The following ADAMTS3 variants were observed in gnomAD, a reference collection of about 807,000 sequenced individuals.
The protein encoded by ADAMTS3 is ADAM metallopeptidase with thrombospondin type 1 motif 3.
In ADAMTS3, 73 loss-of-function variants were observed where a neutral mutation model predicts 129.0. That is an observed-to-expected ratio of 0.57 (90% CI 0.47 to 0.69). The LOEUF is 0.69. Ranked by LOEUF, ADAMTS3 falls within the 30% of genes least tolerant of loss-of-function variation. The pLI, the probability that ADAMTS3 is intolerant of heterozygous loss-of-function variation, is 0.00. For missense variants in ADAMTS3, 1,457 were observed against 1,514.5 expected (o/e 0.96, Z 0.63); for synonymous variants, 477 against 510.8 (o/e 0.93, Z 0.89).
chr4:72,437,662 T>C (rs1717985618), intron 3 of ADAMTS3, among the ~76,000 whole-genome samples: 1 of 151,728 alleles, frequency 6.6e-6, no homozygotes, highest in South Asian at 2.1e-4. Flanking sequence ...TGGTGCACTA[T>C]GAACCAATCT....
chr4:72,281,403 C>T lies in ADAMTS3; in HGVS notation c.*1733G>A, dbSNP rs1718338119. On this transcript the variant is annotated 3_prime_UTR_variant, in exon 22 of 22. Coordinates refer to ENST00000286657, the MANE Select transcript of ADAMTS3 (RefSeq NM_014243.3). ...GTGCTTTGAGAGGTTAATTCATCTA[C>T]ATTTTAGTTTGTATAATATATTTTT... is the stretch of plus-strand genomic sequence containing the variant. The T allele has an allele frequency of 6.6e-6, 1 of 152,618 alleles. No individual in the cohort carries two copies. The highest frequency in any genetic ancestry group is 6.5e-5 in the Admixed American group (1 of 15,272). 9.5% of individuals were successfully genotyped at this position (152,618 alleles called of 1,614,324 possible). A position where few individuals can be genotyped will look rare whatever the true frequency, so the allele number is the denominator to read the frequency against.
chr4:72,364,354 C>T (rs1409273657), intron 4 of ADAMTS3, among the ~76,000 whole-genome samples: 1 of 152,094 alleles, frequency 6.6e-6, no homozygotes, highest in East Asian at 1.9e-4. Flanking sequence ...GTGGCTCACG[C>T]CTGTAATTCC....
At chr4:72,442,912 G>A (rs981085670) in intron 3 of ADAMTS3, among the ~76,000 whole-genome samples, 7 of 151,634 alleles carry the variant, frequency 4.6e-5, no homozygotes, top group Admixed American at 1.3e-4. Context: ...ACTCACCCCC[G>A]AAAATTCTTT....
chr4:72,282,295 G>A lies in ADAMTS3; in HGVS notation c.*841C>T, dbSNP rs1455378397. On this transcript the variant is annotated 3_prime_UTR_variant, in exon 22 of 22. Coordinates refer to ENST00000286657, the MANE Select transcript of ADAMTS3 (RefSeq NM_014243.3). ...AGAGGGTTTCAGTTTTGTCTTGCAC[G>A]AGTTCATTATTTACTATTCGTTGAT... 6.6e-6 allele frequency: 1 copy of A among 151,762 alleles called. No individual in the cohort carries two copies. The highest frequency in any genetic ancestry group is 1.5e-5 in the Non-Finnish European group (1 of 68,038). The allele number at this position is 151,762 out of a possible 1,614,324, so 9.4% of individuals were successfully genotyped here. A position where few individuals can be genotyped will look rare whatever the true frequency, so the allele number is the denominator to read the frequency against.
chr4:72,289,931 C>T (rs1177243283), intron 20 of ADAMTS3, among the ~76,000 whole-genome samples: 2 of 152,178 alleles, frequency 1.3e-5, no homozygotes, highest in African/African-American at 4.8e-5. Context: ...GTTAAAGCAG[C>T]AAGAAATAGA....
chr4:72,364,033 C>T (rs191163329), intron 4 of ADAMTS3, among the ~76,000 whole-genome samples: 5 of 152,054 alleles, frequency 3.3e-5, no homozygotes, highest in African/African-American at 1.2e-4. Flanking sequence ...TAAAAAAACA[C>T]ATTATTTTGC....
chr4:72,491,993 T>G (rs913972540), intron 3 of ADAMTS3, among the ~76,000 whole-genome samples: 1 of 151,740 alleles, frequency 6.6e-6, no homozygotes, highest in African/African-American at 2.4e-5. Flanking sequence ...TTTTGGTAGT[T>G]TGAAAGTTTC....
rs559662974 is a variant in ADAMTS3 at position 72,369,025 on chromosome 4, A to G, written c.662-29332T>C. ...CATGCAATTAAAATTTATTGAGTAT[A>G]TTCTGTGTTCTCACAAATGGATAGA... On this transcript the variant is annotated intron_variant, in intron 4 of 21. Coordinates refer to ENST00000286657, the MANE Select transcript of ADAMTS3 (RefSeq NM_014243.3). Among the ~76,000 whole-genome samples the G allele has an allele frequency of 4.6e-5, 7 of 152,330 alleles. No individual in the cohort carries two copies. In the East Asian group the frequency reaches 9.6e-4, roughly 21 times the overall value.
Position 72,553,157 on chromosome 4 carries a change from C to T in ADAMTS3, c.98-4273G>A, listed in dbSNP as rs181296478. ...CATTTTATCACCAAGCCATTAATGA[C>T]GGCAAACTGTACAAGTCATCTACCT... On this transcript the variant is annotated intron_variant, in intron 2 of 21. Coordinates refer to ENST00000286657, the MANE Select transcript of ADAMTS3 (RefSeq NM_014243.3). Among the ~76,000 whole-genome samples the T allele has an allele frequency of 9.7e-4, 146 of 150,388 alleles. 1 individual carries two copies. The highest frequency in any genetic ancestry group is 2.4e-4 in the Non-Finnish European group (16 of 67,588).
At chr4:72,545,166 G>C (rs1243197651) in intron 3 of ADAMTS3, among the ~76,000 whole-genome samples, 1 of 152,006 alleles carries the variant, frequency 6.6e-6, no homozygotes, top group East Asian at 1.9e-4. Flanking sequence ...AGTCACAAAA[G>C]AGAAATACAG....
intron 3 of ADAMTS3, among the ~76,000 whole-genome samples, chr4:72,493,265 T>C (rs539036857): frequency 5.9e-5 from 9 of 151,992 alleles, no homozygotes; most frequent in Non-Finnish European, 1.2e-4. Flanking sequence ...ACTTTGTTAG[T>C]TGTTTTCTGT....
chr4:72,370,665 G>A (rs924109729), intron 4 of ADAMTS3, among the ~76,000 whole-genome samples: 2 of 152,224 alleles, frequency 1.3e-5, no homozygotes, highest in Non-Finnish European at 2.9e-5. Flanking sequence ...CAGAAGAATT[G>A]CTTGAACCCA....
intron 3 of ADAMTS3, among the ~76,000 whole-genome samples, chr4:72,547,576 C>T (rs1403286264): frequency 2.6e-5 from 4 of 152,054 alleles, no homozygotes; most frequent in African/African-American, 7.2e-5. Flanking sequence ...CCAGAATGGG[C>T]GAAATCAGCT....
intron 2 of ADAMTS3, among the ~76,000 whole-genome samples, chr4:72,563,995 G>C (rs1721966021): frequency 6.6e-6 from 1 of 152,116 alleles, no homozygotes; most frequent in Admixed American, 6.6e-5. Context: ...CCTGAAAATG[G>C]TGAAAAATTA....
intron 4 of ADAMTS3, among the ~76,000 whole-genome samples, chr4:72,340,465 T>C (rs771143539): frequency 1.3e-5 from 2 of 152,006 alleles, no homozygotes; most frequent in Admixed American, 6.6e-5. Context: ...GCTCCACATT[T>C]GCACTGGCCA....
At chr4:72,343,811 A>G (rs961634949) in intron 4 of ADAMTS3, among the ~76,000 whole-genome samples, 20 of 152,202 alleles carry the variant, frequency 1.3e-4, no homozygotes, top group South Asian at 4.1e-4. Context: ...CTCATGCATC[A>G]TTCCAAAAAG....
chr4:72,396,095 G>A (rs1330694386), intron 4 of ADAMTS3, among the ~76,000 whole-genome samples: 1 of 152,146 alleles, frequency 6.6e-6, no homozygotes, highest in Non-Finnish European at 1.5e-5. Flanking sequence ...GAAGTTAACT[G>A]GGTGGATGTT....
intron 5 of ADAMTS3, 132 bp from the exon 6 acceptor site, chr4:72,323,229 C>A: frequency 1.4e-6 from 1 of 694,900 alleles, no homozygotes; most frequent in South Asian, 1.7e-5. Flanking sequence ...AATAGCTGAA[C>A]TCTGAAAGGT....
chr4:72,516,011 G>T (rs944802681), intron 3 of ADAMTS3, among the ~76,000 whole-genome samples: 3 of 152,120 alleles, frequency 2.0e-5, no homozygotes, highest in Admixed American at 1.3e-4. Flanking sequence ...ATTAATTTTT[G>T]TATAAGGTGT....
Sources: allele counts gnomAD v4.1 joint callset (sites outside exome capture counted in the v4.1 genomes callset), GRCh38; gene constraint gnomAD v4.1.1; transcripts MANE v1.5; gene names NCBI Gene and HGNC (gene_info 2026-07-23, HGNC 2026-07-21).